THBS2: variants seen among roughly 807,000 people sequenced by gnomAD.
THBS2 encodes the protein thrombospondin 2.
In THBS2, 47 loss-of-function variants were observed where a neutral mutation model predicts 135.2. That is an observed-to-expected ratio of 0.35 (90% CI 0.28 to 0.44). THBS2 has a LOEUF of 0.44. THBS2 is among the 20% of genes least tolerant of loss of function. THBS2 has a pLI of 1.00. For synonymous variants in THBS2, 639 were observed against 633.8 expected, an observed-to-expected ratio of 1.01 and a Z score of -0.12; for missense variants, 1,288 against 1,603.1, an observed-to-expected ratio of 0.80 and a Z score of 3.36.
chr6:169,232,236 G>T (rs758215514), intron 12 of THBS2, 38 bp from the exon 13 acceptor site: 1 of 1,607,176 alleles, frequency 6.2e-7, no homozygotes, highest in Non-Finnish European at 8.5e-7. Context: ...CGACAGGCAG[G>T]ACGATGGCTC....
At position 169,252,188 on chromosome 6, in the gene THBS2, C is replaced by T. The variant is rs550106464; in HGVS notation, c.-22-1382G>A. ...TGGGGCGCTTTCTACTCTAACTGCC[C>T]GAGGCAGCTGCAGTAATAATGGTGG... On this transcript the variant is annotated intron_variant, in intron 1 of 21. Transcript: ENST00000617924. The surrounding 1 kb of genome is among the most constrained non-coding windows in gnomAD (Gnocchi z 4.3). The T allele has an allele frequency of 1.3e-5, 2 of 152,262 alleles. No homozygotes were observed. Among genetic ancestry groups the T allele is most frequent in the South Asian group, 2.1e-4 (1 of 4,822 alleles). 9.4% of individuals were successfully genotyped at this position (152,262 alleles called of 1,614,324 possible).
In THBS2 at chr6:169,216,184, CCTCAAAGGAAA is replaced by C. The variant is rs1168862334; in HGVS notation, c.*1627_*1637del. On this transcript the variant is annotated 3_prime_UTR_variant, in exon 22 of 22. Transcript: ENST00000617924. The stretch of plus-strand genomic sequence containing the variant: ...AGCAAAACAACAACACAACGATCAA[CCTCAAAGGAAA>C]CAACAAAATTAATTTTATCAAAATG... The C allele has an allele frequency of 3.9e-5, 6 of 152,108 alleles. No homozygotes were observed. Among genetic ancestry groups the C allele is most frequent in the Non-Finnish European group, 8.8e-5 (6 of 68,016 alleles). The allele number at this position is 152,108 out of a possible 1,614,324, so 9.4% of individuals were successfully genotyped here. A position where few individuals can be genotyped will look rare whatever the true frequency, so the allele number is the denominator to read the frequency against.
At chr6:169,251,608 A>G (rs929322025) in intron 1 of THBS2, among the ~76,000 whole-genome samples, 1 of 152,174 alleles carries the variant, frequency 6.6e-6, no homozygotes, top group Non-Finnish European at 1.5e-5. Flanking sequence ...GCAATTGGTC[A>G]CACCCTGCTC....
intron 4 of THBS2, among the ~76,000 whole-genome samples, chr6:169,245,609 G>A (rs531326744): frequency 1.2e-3 from 187 of 152,130 alleles, no homozygotes; most frequent in South Asian, 2.7e-3. Flanking sequence ...TGGCTAACAC[G>A]CTGAAACCCC....
At chr6:169,220,665 C>T (rs58023137) in intron 20 of THBS2, among the ~76,000 whole-genome samples, 36,113 of 152,090 alleles carry the variant, frequency 0.24, 4,506 homozygotes, top group African/African-American at 0.31. Flanking sequence ...GAAGATGCAC[C>T]GGACTCTCCC....
In THBS2 at chr6:169,248,422, A is replaced by G; in HGVS notation, c.604T>C (p.Phe202Leu). The G allele has an allele frequency of 6.2e-7, 1 of 1,603,092 alleles. No homozygotes were observed. The highest frequency in any genetic ancestry group is 2.2e-5 in the East Asian group (1 of 44,584). Residue 202 changes from phenylalanine to leucine, a missense_variant, in exon 3 of 22, where the codon TTC (phenylalanine) becomes CTC (leucine). Phe to Leu is a conservative substitution (Grantham distance 22). This residue lies in a region of THBS2 where 414 missense variants were observed against 447.0 expected (regional missense o/e 0.93). Transcript: ENST00000617924. Reference sequence around the variant, plus strand: ...CACCTCCCTGCAGAGCGTACCCTGAAGTGACTCTCTCTGGCAGAGCCTTTG... The same window carrying G: ...CACCTCCCTGCAGAGCGTACCCTGAGGTGACTCTCTCTGGCAGAGCCTTTG... ...VAKGSARESH[F>L]RGLLQNVHLV...
At chr6:169,236,554 CTATCCACACTCACTT>C (rs1780089106) in intron 9 of THBS2, among the ~76,000 whole-genome samples, 2 of 143,938 alleles carry the variant, frequency 1.4e-5, no homozygotes, top group African/African-American at 2.6e-5. Flanking sequence ...CACACTCACT[CTATCCACACTCACTT>C]CCCATCCACA....
rs144352833 is a variant in THBS2 at position 169,227,336 on chromosome 6, G to C, written c.2419+786C>G. Among the ~76,000 whole-genome samples, 706 of 152,304 alleles carry C rather than the reference G, an allele frequency of 4.6e-3. 9 individuals are homozygous for C. Among genetic ancestry groups the C allele is most frequent in the African/African-American group, 0.016 (681 of 41,560 alleles). On this transcript the variant is annotated intron_variant, in intron 15 of 21. Transcript: ENST00000617924. ...CCCCAAGAGAAGGGATGACCATGCGGTGACAGTGGCACTGGGTTGCAGAGC... is the reference window on the plus strand; with the variant it reads ...CCCCAAGAGAAGGGATGACCATGCGCTGACAGTGGCACTGGGTTGCAGAGC...
chr6:169,229,510 C>G (rs758909345), intron 14 of THBS2, 62 bp downstream of exon 14: 2 of 1,370,156 alleles, frequency 1.5e-6, no homozygotes, highest in South Asian at 1.2e-5. Context: ...TATAAAGTGG[C>G]CTCCTGTGGA....
chr6:169,224,804 C>T (rs1280926365), intron 17 of THBS2, among the ~76,000 whole-genome samples: 2 of 152,202 alleles, frequency 1.3e-5, no homozygotes, highest in African/African-American at 2.4e-5. Flanking sequence ...TGGCCCCATA[C>T]ACCAAATTCC....
At chr6:169,248,222 G>A (rs1036276695) in intron 3 of THBS2, among the ~76,000 whole-genome samples, 195 bp downstream of exon 3, 2 of 152,034 alleles carry the variant, frequency 1.3e-5, no homozygotes, top group African/African-American at 2.4e-5. Context: ...GCCTGTGGCT[G>A]CGTGTGGTGG....
At chr6:169,225,593 GCCACCTCT>G (rs1467698429) in intron 16 of THBS2, among the ~76,000 whole-genome samples, 1 of 152,226 alleles carries the variant, frequency 6.6e-6, no homozygotes, top group Non-Finnish European at 1.5e-5. Flanking sequence ...TCCACCCTCT[GCCACCTCT>G]CCACAGTAAT....
In THBS2 at chr6:169,230,362, G is replaced by A. The variant is rs531170022; in HGVS notation, c.2152-683C>T. Among the ~76,000 whole-genome samples, 7 of 151,920 alleles carry A rather than the reference G, an allele frequency of 4.6e-5. No homozygotes were observed. In the South Asian group the frequency reaches 1.4e-3, roughly 31 times the overall value. On this transcript the variant is annotated intron_variant, in intron 13 of 21. Transcript: ENST00000617924. ...CAGTTTCAGTACAAGAGCCCCAAGG[G>A]TGTGTCATCCCCGTGGCTCAAAGCA... is the stretch of plus-strand genomic sequence containing the variant.
chr6:169,248,387 T>G, intron 3 of THBS2, 30 bp downstream of exon 3: 1 of 1,571,952 alleles, frequency 6.4e-7, no homozygotes, highest in Non-Finnish European at 8.7e-7. Flanking sequence ...CTTTCCTCCC[T>G]CACGGCGGCC....
chr6:169,220,446 G>C, intron 20 of THBS2, 109 bp from the exon 21 acceptor site: 1 of 1,382,554 alleles, frequency 7.2e-7, no homozygotes, highest in Non-Finnish European at 9.9e-7. Flanking sequence ...TGGATACTCC[G>C]CCCAGGGCTT....
chr6:169,242,692 C>CCCACCTTCCCACCTTCCCACA, intron 4 of THBS2, among the ~76,000 whole-genome samples: 1 of 47,526 alleles, frequency 2.1e-5, no homozygotes, highest in East Asian at 7.6e-4. Flanking sequence ...ACCTTCCCAT[C>CCCACCTTCCCACCTTCCCACA]TTCCCACCTT....
At chr6:169,245,066 AC>A in intron 4 of THBS2, among the ~76,000 whole-genome samples, 1 of 152,332 alleles carries the variant, frequency 6.6e-6, no homozygotes, top group East Asian at 1.9e-4. Context: ...TCATGACATA[AC>A]AGTTTACGCT....
At position 169,246,311 on chromosome 6, in the gene THBS2, GCAACAGATAAAC is replaced by G. The variant is rs1390178838; in HGVS notation, c.610-42_610-31del. 3 of 1,568,950 alleles carry G rather than the reference GCAACAGATAAAC, an allele frequency of 1.9e-6. No homozygotes were observed. The East Asian group carries it at 6.7e-5, about 35-fold the overall frequency. On this transcript the variant is annotated intron_variant, in intron 3 of 21. Coordinates refer to ENST00000617924, the MANE Select transcript of THBS2 (RefSeq NM_003247.5). Reference sequence around the variant, plus strand: ...AAGTATACACAAGCAGAAAAATAGAGCAACAGATAAACATCCAATGTTTGATGCCAAGCTAAC... The same window carrying G: ...AAGTATACACAAGCAGAAAAATAGAGATCCAATGTTTGATGCCAAGCTAAC...
In THBS2 at chr6:169,222,872, G is replaced by A. The variant is rs183967359; in HGVS notation, c.3001+376C>T. ...CCCCAGCTTGGCCCTGTGACCATCT[G>A]ACAGTGGATGCCCAGCAGGCAGGGC... is the stretch of plus-strand genomic sequence containing the variant. On this transcript the variant is annotated intron_variant, in intron 18 of 21. Coordinates refer to ENST00000617924, the MANE Select transcript of THBS2 (RefSeq NM_003247.5). Among the ~76,000 whole-genome samples, 30 of 151,960 alleles carry A rather than the reference G, an allele frequency of 2.0e-4. No individual in the cohort carries two copies. The East Asian group carries it at 5.4e-3, about 27-fold the overall frequency.
Sources: allele counts gnomAD v4.1 joint callset (sites outside exome capture counted in the v4.1 genomes callset), GRCh38; gene constraint gnomAD v4.1.1; regional missense constraint gnomAD v4.1.1; non-coding constraint Gnocchi (gnomAD v3.1); transcripts MANE v1.5; gene names NCBI Gene and HGNC (gene_info 2026-07-23, HGNC 2026-07-21).